The following GTF3C1 variants were observed in gnomAD, a reference collection of about 807,000 sequenced individuals.
GTF3C1 encodes the protein general transcription factor 3C polypeptide 1.
Under a neutral mutation model 226.7 loss-of-function variants are expected in GTF3C1, and 57 were observed. The observed-to-expected ratio is 0.25, with a 90% CI of 0.20 to 0.31. The LOEUF (loss-of-function observed/expected upper bound fraction) is 0.31. Among genes scored for constraint, GTF3C1 ranks in the 10% least tolerant of loss-of-function variants. The probability of loss-of-function intolerance (pLI) is 1.00; values close to 1 mark genes in which losing one functional copy is unlikely to be tolerated. For synonymous variants in GTF3C1, 1,090 were observed against 1,084.8 expected (o/e 1.00, Z -0.09); for missense variants, 2,217 against 2,776.1 (o/e 0.80, Z 4.53).
intron 2 of GTF3C1, among the ~76,000 whole-genome samples, chr16:27,545,089 G>T (rs887066109): frequency 7.9e-5 from 12 of 151,486 alleles, no homozygotes; most frequent in African/African-American, 2.9e-4. Context: ...TGATTCTCAT[G>T]CCTCAGCCAC....
At chr16:27,520,121 G>GGTTTT (rs1274797115) in intron 6 of GTF3C1, among the ~76,000 whole-genome samples, 1 of 152,010 alleles carries the variant, frequency 6.6e-6, no homozygotes, top group Non-Finnish European at 1.5e-5. Context: ...TGTTTGGTTT[G>GGTTTT]GTTTTGTTTT....
Position 27,461,265 on chromosome 16 carries a change from C to A in GTF3C1, c.*85G>T, listed in dbSNP as rs2087698883. ...TGCAGGAGGCTCGGCAGACCCAAGG[C>A]CAGGGCACAGTGGGGTCTGCCGAGC... On this transcript the variant is annotated 3_prime_UTR_variant, in exon 37 of 37. Coordinates refer to ENST00000356183, the MANE Select transcript of GTF3C1 (RefSeq NM_001520.4). The surrounding 1 kb of genome is among the most constrained non-coding windows in gnomAD (Gnocchi z 5.3). 4.7e-6 allele frequency: 4 copies of A among 845,268 alleles called. No individual in the cohort carries two copies. Among genetic ancestry groups the A allele is most frequent in the Non-Finnish European group, 7.4e-6 (4 of 539,746 alleles). The allele number at this position is 845,268 out of a possible 1,614,324, so 52.4% of individuals were successfully genotyped here.
intron 5 of GTF3C1, among the ~76,000 whole-genome samples, chr16:27,531,442 T>C (rs1029429437): frequency 2.6e-5 from 4 of 152,226 alleles, no homozygotes; most frequent in Non-Finnish European, 4.4e-5. Context: ...TTTGAGGCTT[T>C]CCCCAGTTCT....
chr16:27,501,409 G>T, intron 11 of GTF3C1, 65 bp from the exon 12 acceptor site: 1 of 1,454,300 alleles, frequency 6.9e-7, no homozygotes, highest in Non-Finnish European at 9.6e-7. Context: ...CCTCAACCCA[G>T]GCAACACAGA....
In GTF3C1 at chr16:27,489,091, G is replaced by T. The variant is rs1424025019; in HGVS notation, c.3381C>A (p.Leu1127=). The T allele has an allele frequency of 6.2e-7, 1 of 1,614,008 alleles. No homozygotes were observed. Among genetic ancestry groups the T allele is most frequent in the South Asian group, 1.1e-5 (1 of 91,074 alleles). Residue 1127 remains leucine (L), a synonymous_variant, in exon 21 of 37, where the codon CTC becomes CTA. Coordinates refer to ENST00000356183, the MANE Select transcript of GTF3C1 (RefSeq NM_001520.4). ...AGLDSSFYGH[L]KRNWIWTSYI... ...AGCTGGTCCAGATCCAGTTGCGCTT[G>T]AGGTGTCCGTAGAAGCTGGAATCGA...
Position 27,498,703 on chromosome 16 carries a change from G to T in GTF3C1, c.2092C>A (p.Gln698Lys). Residue 698 changes from glutamine to lysine, a missense_variant, in exon 13 of 37, where the codon CAG becomes AAG. Gln to Lys is a moderately conservative substitution (Grantham distance 53). Transcript: ENST00000356183. ...GCACTTCTCACTAGAGGGTCGTTCTGGTCCATGGACGGGTGCACCACCAGA... is the reference window on the plus strand; with the variant it reads ...GCACTTCTCACTAGAGGGTCGTTCTTGTCCATGGACGGGTGCACCACCAGA... ...VDLVVHPSMD[Q>K]NDPLVRSAIE... 6.2e-7 allele frequency: 1 copy of T among 1,601,764 alleles called. No homozygotes were observed. The highest frequency in any genetic ancestry group is 8.6e-7 in the Non-Finnish European group (1 of 1,168,702).
intron 6 of GTF3C1, among the ~76,000 whole-genome samples, chr16:27,515,310 T>C (rs1376915854): frequency 2.0e-5 from 3 of 151,702 alleles, no homozygotes; most frequent in Non-Finnish European, 4.4e-5. Context: ...GCTATAGGCG[T>C]TGGAGGTGTG....
At chr16:27,545,667 T>TA in intron 1 of GTF3C1, 144 bp from the exon 2 acceptor site, 1 of 633,038 alleles carries the variant, frequency 1.6e-6, no homozygotes, top group East Asian at 2.7e-5. Flanking sequence ...CAGATAATCT[T>TA]GACAAGCAGG....
intron 23 of GTF3C1, 49 bp downstream of exon 23, chr16:27,488,178 A>C (rs2088172051): frequency 4.5e-6 from 7 of 1,547,984 alleles, no homozygotes; most frequent in Non-Finnish European, 6.2e-6. Context: ...CACATCTCCA[A>C]GCCAAAACAA....
At chr16:27,489,527 A>G in intron 20 of GTF3C1, 75 bp downstream of exon 20, 1 of 1,200,816 alleles carries the variant, frequency 8.3e-7, no homozygotes, top group Non-Finnish European at 1.2e-6. Flanking sequence ...TAAGCCAGAC[A>G]AGGGCGGGCA....
At chr16:27,514,913 G>A (rs1010249072) in intron 6 of GTF3C1, among the ~76,000 whole-genome samples, 2 of 152,114 alleles carry the variant, frequency 1.3e-5, no homozygotes, top group African/African-American at 4.8e-5. Flanking sequence ...CGCCAGGGAC[G>A]CTGGCTTCTG....
rs998401160 is a variant in GTF3C1, at chr16:27,492,051, A to G, written c.3151+287T>C. On this transcript the variant is annotated intron_variant, in intron 19 of 36. Coordinates refer to ENST00000356183, the MANE Select transcript of GTF3C1 (RefSeq NM_001520.4). The surrounding 1 kb of genome is among the most constrained non-coding windows in gnomAD (Gnocchi z 5.0). ...TCATTGTGGCACTGTCAGGCACAGG[A>G]AGTGACACACAGCCGGTGTGTTTAA... Among the ~76,000 whole-genome samples the G allele has an allele frequency of 6.6e-6, 1 of 152,158 alleles. No individual in the cohort carries two copies. Among genetic ancestry groups the G allele is most frequent in the African/African-American group, 2.4e-5 (1 of 41,432 alleles).
chr16:27,506,449 CA>C (rs546744537), intron 9 of GTF3C1, among the ~76,000 whole-genome samples: 13 of 152,124 alleles, frequency 8.5e-5, no homozygotes, highest in African/African-American at 1.2e-4. Context: ...ACGATGTCCC[CA>C]GGGGGCTCAG....
At chr16:27,498,945 C>G (rs2088363231) in intron 12 of GTF3C1, among the ~76,000 whole-genome samples, 1 of 152,236 alleles carries the variant, frequency 6.6e-6, no homozygotes, top group South Asian at 2.1e-4. Flanking sequence ...CGATCAGGCT[C>G]TGCCATGGGT....
At chr16:27,549,631 G>GCCCCCCCCCCCC in intron 1 of GTF3C1, 39 bp downstream of exon 1, 1 of 691,952 alleles carries the variant, frequency 1.4e-6, no homozygotes, top group Non-Finnish European at 2.4e-6. Flanking sequence ...CGGGCCCTGC[G>GCCCCCCCCCCCC]CCCGCCCGCC....
chr16:27,485,826 G>C (rs955261676), intron 24 of GTF3C1, among the ~76,000 whole-genome samples, 171 bp downstream of exon 24: 2 of 152,160 alleles, frequency 1.3e-5, no homozygotes, highest in Admixed American at 6.5e-5. Context: ...AAAGAGCAAG[G>C]CTCCATCTTT....
intron 6 of GTF3C1, among the ~76,000 whole-genome samples, chr16:27,513,016 T>C (rs140718625): frequency 1.4e-3 from 206 of 152,362 alleles, no homozygotes; most frequent in African/African-American, 4.6e-3. Context: ...TGTGAACATG[T>C]TGCCTTCCAT....
intron 23 of GTF3C1, among the ~76,000 whole-genome samples, chr16:27,486,627 T>C (rs2088144117): frequency 6.6e-6 from 1 of 152,188 alleles, no homozygotes. Flanking sequence ...ATAAGGCCTC[T>C]GCTCCAGGGC....
In GTF3C1 at chr16:27,492,401, A is replaced by C; in HGVS notation, c.3088T>G (p.Ser1030Ala). 6.2e-7 allele frequency: 1 copy of C among 1,611,096 alleles called. No individual in the cohort carries two copies. The highest frequency in any genetic ancestry group is 8.5e-7 in the Non-Finnish European group (1 of 1,177,722). ...CAGTAGTTTTCCACATCCTGCATTG[A>C]GTTCAGGACATAGAGGCGCCTCTCG... ...PFERRLYVLN[S>A]MQDVENYWFD... Residue 1030 changes from serine to alanine, a missense_variant, in exon 19 of 37, where the codon TCA (serine) becomes GCA (alanine). Ser to Ala is a moderately conservative substitution (Grantham distance 99). Transcript: ENST00000356183. The surrounding 1 kb of genome is among the most constrained non-coding windows in gnomAD (Gnocchi z 5.0).
Sources: gnomAD v4.1 joint callset for allele counts (sites outside exome capture counted in the v4.1 genomes callset) on GRCh38, gnomAD v4.1.1 for gene constraint, Gnocchi (gnomAD v3.1) non-coding constraint, MANE v1.5 for transcripts, NCBI Gene and HGNC (gene_info 2026-07-23, HGNC 2026-07-21) for gene names.